Variants in C1QB observed in about 807,000 individuals in gnomAD.
C1QB encodes complement C1q B chain, also known as complement C1q subcomponent subunit B.
A neutral mutation model predicts 4.6 loss-of-function variants in C1QB; 2 were observed. That is an observed-to-expected ratio of 0.43 (90% confidence interval 0.18 to 1.36). C1QB has a LOEUF of 1.36. Among genes scored for constraint, C1QB ranks in the 40% most tolerant of loss-of-function variants. The pLI, the probability that C1QB is intolerant of heterozygous loss-of-function variation, is 0.28. For synonymous variants in C1QB, 132 were observed against 137.1 expected (o/e 0.96, Z 0.26); for missense variants, 292 against 338.0 (o/e 0.86, Z 1.07).
At chr1:22,656,674 C>A (rs1293850621) in intron 1 of C1QB, among the ~76,000 whole-genome samples, 2 of 152,154 alleles carry the variant, frequency 1.3e-5, no homozygotes, top group African/African-American at 4.8e-5. Flanking sequence ...AGCAAGCAAT[C>A]AAATCTGCTG....
chr1:22,659,681 C>A (rs374660610), intron 2 of C1QB, 38 bp downstream of exon 2: 2 of 1,576,778 alleles, frequency 1.3e-6, no homozygotes, highest in East Asian at 2.3e-5. Flanking sequence ...TAATACTGAC[C>A]AAATTTCCCG....
intron 1 of C1QB, among the ~76,000 whole-genome samples, chr1:22,658,721 T>A (rs1358976126): frequency 6.6e-6 from 1 of 150,938 alleles, no homozygotes; most frequent in African/African-American, 2.4e-5. Context: ...GATGGAGGAA[T>A]AGAGGGATGG....
At chr1:22,655,636 AG>A (rs1642518604) in intron 1 of C1QB, among the ~76,000 whole-genome samples, 1 of 152,202 alleles carries the variant, frequency 6.6e-6, no homozygotes, top group Admixed American at 6.5e-5. Context: ...CTCATCTGCA[AG>A]ATGGGAAATT....
intron 2 of C1QB, 56 bp downstream of exon 2, chr1:22,659,699 C>T (rs1642592936): frequency 6.4e-7 from 1 of 1,551,012 alleles, no homozygotes; most frequent in Non-Finnish European, 8.7e-7. Flanking sequence ...CCGTCTCCTG[C>T]CTCCCAAGTC....
chr1:22,661,447 AAC>A lies in C1QB; in HGVS notation c.*64_*65del, dbSNP rs1197036432. On this transcript the variant is annotated 3_prime_UTR_variant, in exon 3 of 3. Transcript: ENST00000509305. Reference sequence around the variant, plus strand: ...TGCCAGCAACGCTCACTCTACCCCCAACACCACCCCTTGCCCAACCAATGCAC... The same window carrying A: ...TGCCAGCAACGCTCACTCTACCCCCAACCACCCCTTGCCCAACCAATGCAC... The A allele has an allele frequency of 1.1e-5, 18 of 1,588,704 alleles. No individual in the cohort carries two copies. The highest frequency in any genetic ancestry group is 1.5e-5 in the Non-Finnish European group (17 of 1,159,896).
chr1:22,658,789 AGGATGGAT>A (rs749531414), intron 1 of C1QB, among the ~76,000 whole-genome samples: 1 of 148,212 alleles, frequency 6.7e-6, no homozygotes, highest in African/African-American at 2.5e-5. Flanking sequence ...CAGGGGCAGA[AGGATGGAT>A]GGATGGATGG....
Position 22,661,212 on chromosome 1 carries a change from C to T in C1QB, c.582C>T (p.Thr194=). 3.7e-6 allele frequency: 6 copies of T among 1,613,846 alleles called. No homozygotes were observed. The South Asian group carries it at 6.6e-5, about 18-fold the overall frequency. Residue 194 remains threonine, a synonymous_variant, in exon 3 of 3, where the codon ACC becomes ACT. Coordinates refer to ENST00000509305, the MANE Select transcript of C1QB (RefSeq NM_001378156.1). The part of the protein sequence containing the change: ...RGRERAQKVV[T]FCDYAYNTFQ... ...GGGAGCGTGCACAGAAGGTGGTCAC[C>T]TTCTGTGACTATGCCTACAACACCT...
rs935388267 is a variant in C1QB at position 22,654,583 on chromosome 1, T to C, written c.-24+1280T>C. On this transcript the variant is annotated intron_variant, in intron 1 of 2. Coordinates refer to ENST00000509305, the MANE Select transcript of C1QB (RefSeq NM_001378156.1). ...TAAGAATTTCCAACATGCCAGGCTC[T>C]GTTGGAAGCTGTAACTCATGTCCTC... Among the ~76,000 whole-genome samples the C allele has an allele frequency of 1.4e-4, 22 of 152,326 alleles. No homozygotes were observed. In the South Asian group the frequency reaches 2.1e-3, roughly 14 times the overall value.
At chr1:22,658,647 G>A (rs1212127345) in intron 1 of C1QB, among the ~76,000 whole-genome samples, 1 of 152,264 alleles carries the variant, frequency 6.6e-6, no homozygotes, top group Non-Finnish European at 1.5e-5. Context: ...ACCTTGCACA[G>A]AGTCTGGTAG....
chr1:22,660,713 C>T, intron 2 of C1QB, 99 bp from the exon 3 acceptor site: 1 of 1,223,544 alleles, frequency 8.2e-7, no homozygotes, highest in Admixed American at 1.7e-5. Flanking sequence ...AGATGGGAGA[C>T]TGAGGCTCAG....
At chr1:22,655,238 T>C (rs138400117) in intron 1 of C1QB, among the ~76,000 whole-genome samples, 2 of 152,324 alleles carry the variant, frequency 1.3e-5, no homozygotes, top group East Asian at 3.9e-4. Context: ...CTGATGCTTA[T>C]TCATGGATAA....
Position 22,661,027 on chromosome 1 carries a change from C to T in C1QB, c.397C>T (p.Arg133Cys), listed in dbSNP as rs1380712992. 7 of 1,614,034 alleles carry T rather than the reference C, an allele frequency of 4.3e-6. No individual in the cohort carries two copies. Among genetic ancestry groups the T allele is most frequent in the Non-Finnish European group, 4.2e-6 (5 of 1,179,982 alleles). The change falls in exon 3 of 3, where the codon CGC becomes TGC. Residue 133 changes from arginine to cysteine, a missense_variant. Arg to Cys is a radical substitution (Grantham distance 180). Transcript: ENST00000509305. ...SATRTINVPL[R>C]RDQTIRFDHV... ...CACAAGAACCATCAACGTCCCCCTG[C>T]GCCGGGACCAGACCATCCGCTTCGA...
rs200712554 is a variant in C1QB at position 22,661,187 on chromosome 1, G to A, written c.557G>A (p.Arg186Gln). The stretch of plus-strand genomic sequence containing the variant: ...CTGTGCGTGAACCTCATGCGTGGCC[G>A]GGAGCGTGCACAGAAGGTGGTCACC... The part of the protein sequence containing the change: ...GNLCVNLMRG[R>Q]ERAQKVVTFC... The change falls in exon 3 of 3, where the codon CGG becomes CAG. Residue 186 changes from arginine to glutamine, a missense_variant. Transcript: ENST00000509305. 29 of 1,613,926 alleles carry A rather than the reference G, an allele frequency of 1.8e-5. No individual in the cohort carries two copies. The highest frequency in any genetic ancestry group is 2.2e-5 in the East Asian group (1 of 44,864).
chr1:22,654,675 GAGA>G (rs1250337857), intron 1 of C1QB, among the ~76,000 whole-genome samples: 6 of 152,212 alleles, frequency 3.9e-5, no homozygotes, highest in African/African-American at 1.2e-4. Context: ...TGTGGCCAGA[GAGA>G]AGGAGTGATT....
chr1:22,657,219 C>T (rs1045710125), intron 1 of C1QB, among the ~76,000 whole-genome samples: 4 of 152,088 alleles, frequency 2.6e-5, no homozygotes, highest in Non-Finnish European at 5.9e-5. Flanking sequence ...TTCCTGGTGA[C>T]GAGCCCCATC....
At chr1:22,655,954 G>A (rs1642523730) in intron 1 of C1QB, among the ~76,000 whole-genome samples, 1 of 152,244 alleles carries the variant, frequency 6.6e-6, no homozygotes, top group South Asian at 2.1e-4. Flanking sequence ...GCCTCGAGAG[G>A]TAATGAGCTG....
In C1QB at chr1:22,657,069, A is replaced by T. The variant is rs185789362; in HGVS notation, c.-23-2371A>T. Among the ~76,000 whole-genome samples the T allele has an allele frequency of 9.7e-4, 148 of 152,012 alleles. No individual in the cohort carries two copies. The East Asian group carries it at 0.022, about 22-fold the overall frequency. On this transcript the variant is annotated intron_variant, in intron 1 of 2. Coordinates refer to ENST00000509305, the MANE Select transcript of C1QB (RefSeq NM_001378156.1). ...AGCTCTCTAAACCTAGTTCTTTGGG[A>T]TTTTTATGGAGGCTTTATTATGTAG... is the stretch of plus-strand genomic sequence containing the variant.
At chr1:22,660,723 G>C in intron 2 of C1QB, 89 bp from the exon 3 acceptor site, 1 of 1,330,982 alleles carries the variant, frequency 7.5e-7, no homozygotes, top group Non-Finnish European at 1.1e-6. Flanking sequence ...CTGAGGCTCA[G>C]AGAGAGGCAG....
chr1:22,653,569 G>C (rs949652895), intron 1 of C1QB, among the ~76,000 whole-genome samples: 3 of 152,192 alleles, frequency 2.0e-5, no homozygotes, highest in Non-Finnish European at 4.4e-5. Context: ...GCAGAGACTT[G>C]AGCTGAGTCT....
Sources: allele counts gnomAD v4.1 joint callset (sites outside exome capture counted in the v4.1 genomes callset), GRCh38; gene constraint gnomAD v4.1.1; transcripts MANE v1.5; gene names NCBI Gene and HGNC (gene_info 2026-07-23, HGNC 2026-07-21).